Variants in ACYP2 observed in about 807,000 individuals in gnomAD.
ACYP2 encodes the protein acylphosphatase-2.
A neutral mutation model predicts 11.2 loss-of-function variants in ACYP2; 12 were observed. That is an observed-to-expected ratio of 1.08 (90% CI 0.69 to 1.74). ACYP2 has a LOEUF of 1.74. Among genes scored for constraint, ACYP2 ranks in the 40% most tolerant of loss-of-function variants. ACYP2 has a pLI of 0.00. For missense variants in ACYP2, 134 were observed against 101.9 expected, an observed-to-expected ratio of 1.31 and a Z score of -1.35; for synonymous variants, 43 against 32.2, an observed-to-expected ratio of 1.33 and a Z score of -1.13.
intron 6 of ACYP2, among the ~76,000 whole-genome samples, chr2:54,282,721 G>A (rs1293459377): frequency 3.3e-5 from 5 of 152,024 alleles, no homozygotes; most frequent in African/African-American, 1.2e-4. Context: ...TTTTTCTGAT[G>A]GAAATTGTTT....
chr2:54,001,041 T>C (rs1028504830), intron 2 of ACYP2, among the ~76,000 whole-genome samples: 1 of 152,156 alleles, frequency 6.6e-6, no homozygotes, highest in Non-Finnish European at 1.5e-5. Flanking sequence ...CAAAAGAATC[T>C]CCCGGATGCT....
chr2:54,142,770 A>G (rs1352759310), intron 6 of ACYP2: 1 of 152,204 alleles, frequency 6.6e-6, no homozygotes. Flanking sequence ...CATTTTTATG[A>G]TATTAAATCT....
At chr2:54,277,078 G>A (rs1169228899) in intron 6 of ACYP2, among the ~76,000 whole-genome samples, 1 of 152,108 alleles carries the variant, frequency 6.6e-6, no homozygotes, top group Non-Finnish European at 1.5e-5. Flanking sequence ...TACGTACAAT[G>A]CTGTAATGAC....
At chr2:54,260,272 G>C (rs1230763698) in intron 6 of ACYP2, among the ~76,000 whole-genome samples, 2 of 152,154 alleles carry the variant, frequency 1.3e-5, no homozygotes, top group African/African-American at 4.8e-5. Context: ...GATCAAATGA[G>C]TGTGAGGATG....
intron 4 of ACYP2, among the ~76,000 whole-genome samples, chr2:54,089,259 T>A (rs1371222399): frequency 6.6e-6 from 1 of 152,176 alleles, no homozygotes. Flanking sequence ...ACTAATTGAA[T>A]CAATGTGTTA....
At chr2:54,208,468 A>G (rs916632766) in intron 6 of ACYP2, among the ~76,000 whole-genome samples, 68 of 151,988 alleles carry the variant, frequency 4.5e-4, no homozygotes, top group Non-Finnish European at 1.9e-4. Context: ...TTTCTTTTTA[A>G]TTGTTAGAGC....
intron 6 of ACYP2, among the ~76,000 whole-genome samples, chr2:54,266,682 T>A (rs1423468738): frequency 1.5e-5 from 2 of 130,752 alleles, no homozygotes; most frequent in Admixed American, 9.5e-5. Context: ...CTCGGCTCAC[T>A]GCAAGCTCCG....
intron 6 of ACYP2, among the ~76,000 whole-genome samples, chr2:54,155,778 T>C (rs1682403466): frequency 6.6e-6 from 1 of 152,246 alleles, no homozygotes; most frequent in African/African-American, 2.4e-5. Context: ...TTCATTTTTG[T>C]CTCAAGATAT....
At chr2:54,077,969 TTTC>T (rs1295582113) in intron 4 of ACYP2, among the ~76,000 whole-genome samples, 15 of 131,594 alleles carry the variant, frequency 1.1e-4, no homozygotes, top group African/African-American at 3.9e-4. Flanking sequence ...CTTTTCTTTC[TTTC>T]TTTTTTTTTT....
At chr2:54,068,267 ATATCTTCCT>A (rs1467165754) in intron 4 of ACYP2, among the ~76,000 whole-genome samples, 1 of 152,184 alleles carries the variant, frequency 6.6e-6, no homozygotes, top group Non-Finnish European at 1.5e-5. Context: ...ACTCTTTAGT[ATATCTTCCT>A]ACCTTATAAA....
chr2:54,254,591 C>T (rs1001922085), intron 6 of ACYP2: 7 of 250,070 alleles, frequency 2.8e-5, no homozygotes, highest in African/African-American at 4.5e-5. Flanking sequence ...GTAGGAGGAG[C>T]CAGACCAGAG....
chr2:54,228,114 G>C (rs965962559), intron 6 of ACYP2, among the ~76,000 whole-genome samples: 4 of 152,166 alleles, frequency 2.6e-5, no homozygotes, highest in Admixed American at 2.0e-4. Context: ...TGTATTTGCA[G>C]GTAATGAATT....
chr2:54,127,987 G>C (rs1350660654), intron 4 of ACYP2, among the ~76,000 whole-genome samples: 1 of 152,078 alleles, frequency 6.6e-6, no homozygotes, highest in Non-Finnish European at 1.5e-5. Flanking sequence ...ATTATGATTT[G>C]GGGATTCAGT....
chr2:54,101,219 T>C (rs926555694), intron 4 of ACYP2, among the ~76,000 whole-genome samples: 2 of 152,248 alleles, frequency 1.3e-5, no homozygotes, highest in African/African-American at 4.8e-5. Context: ...CAAGACTGCA[T>C]GTGAATCATC....
At chr2:54,215,991 G>A (rs1273673339) in intron 6 of ACYP2, among the ~76,000 whole-genome samples, 2 of 152,128 alleles carry the variant, frequency 1.3e-5, no homozygotes, top group African/African-American at 4.8e-5. Flanking sequence ...ATTCCTCCCT[G>A]ATACAAATAT....
At chr2:54,052,390 TTGTC>T (rs955724002) in intron 3 of ACYP2, among the ~76,000 whole-genome samples, 68 of 152,246 alleles carry the variant, frequency 4.5e-4, no homozygotes, top group African/African-American at 1.4e-3. Flanking sequence ...AAACTGTACT[TTGTC>T]TGGTACAGTA....
chr2:54,117,156 A>G (rs1375343004), intron 4 of ACYP2, among the ~76,000 whole-genome samples: 2 of 152,240 alleles, frequency 1.3e-5, no homozygotes, highest in South Asian at 2.1e-4. Context: ...ATTGTATTCA[A>G]CAGCTCCAAG....
chr2:54,164,656 T>A (rs1462874738), intron 6 of ACYP2, among the ~76,000 whole-genome samples: 1 of 152,214 alleles, frequency 6.6e-6, no homozygotes. Flanking sequence ...ACCACATTTG[T>A]CCTTTTGAGG....
chr2:54,266,979 T>A (rs923764973), intron 6 of ACYP2, among the ~76,000 whole-genome samples: 22 of 152,076 alleles, frequency 1.4e-4, no homozygotes, highest in Non-Finnish European at 8.8e-5. Context: ...ACCCAGGCAA[T>A]CTGAGCCTAT....
Sources: allele counts gnomAD v4.1 joint callset (sites outside exome capture counted in the v4.1 genomes callset), GRCh38; gene constraint gnomAD v4.1.1; transcripts MANE v1.5; gene names NCBI Gene and HGNC (gene_info 2026-07-23, HGNC 2026-07-21).